The following JARID2 variants were observed in gnomAD, a reference collection of about 807,000 sequenced individuals.
JARID2 encodes the protein protein Jumonji.
JARID2 carries 21 observed loss-of-function variants against 125.6 expected under a neutral mutation model. That is an observed-to-expected ratio of 0.17 (90% CI 0.12 to 0.24). The LOEUF (loss-of-function observed/expected upper bound fraction) is 0.24, where lower values mean the gene tolerates loss of function less well. Among genes scored for constraint, JARID2 ranks in the 10% least tolerant of loss-of-function variants. The pLI, the probability that JARID2 is intolerant of heterozygous loss-of-function variation, is 1.00. For missense variants in JARID2, 1,303 were observed against 1,639.6 expected (o/e 0.79, Z 3.55); for synonymous variants, 736 against 661.6 (o/e 1.11, Z -1.73).
chr6:15,390,470 T>G lies in JARID2; in HGVS notation c.181+16218T>G, dbSNP rs561280072. 8.3e-4 allele frequency among the ~76,000 whole-genome samples: 127 copies of G among 152,310 alleles called. 1 individual carries two copies. The highest frequency in any genetic ancestry group is 3.4e-3 in the Middle Eastern group (1 of 294). On this transcript the variant is annotated intron_variant, in intron 2 of 17. Coordinates refer to ENST00000341776, the MANE Select transcript of JARID2 (RefSeq NM_004973.4). ...TCTAGCCTTCTGGGGTCTCCCTTTA[T>G]GGACGAATTCCAAGGGAATAGGTTA...
chr6:15,266,532 C>G (rs180815181), intron 1 of JARID2, among the ~76,000 whole-genome samples: 1 of 152,320 alleles, frequency 6.6e-6, no homozygotes, highest in East Asian at 1.9e-4. Context: ...GTCAGCCTAG[C>G]AGCGCTTGGT....
At chr6:15,399,086 T>TA (rs927828775) in intron 2 of JARID2, among the ~76,000 whole-genome samples, 2 of 152,194 alleles carry the variant, frequency 1.3e-5, no homozygotes, top group African/African-American at 2.4e-5. Flanking sequence ...CTGTATGACT[T>TA]ACGCTGTAGT....
chr6:15,452,953 G>A (rs1460227934), intron 4 of JARID2, among the ~76,000 whole-genome samples: 1 of 152,142 alleles, frequency 6.6e-6, no homozygotes, highest in African/African-American at 2.4e-5. Context: ...TTTGCTATTG[G>A]ACATCTGTGG....
intron 2 of JARID2, among the ~76,000 whole-genome samples, chr6:15,401,663 G>T (rs990035437): frequency 6.6e-6 from 1 of 152,046 alleles, no homozygotes. Flanking sequence ...TAAACTTCGA[G>T]TGCTCTTGAT....
chr6:15,367,154 T>C (rs1764010809), intron 1 of JARID2, among the ~76,000 whole-genome samples: 1 of 152,146 alleles, frequency 6.6e-6, no homozygotes, highest in Non-Finnish European at 1.5e-5. Context: ...GAAGCATGAG[T>C]GTCTAAGGTA....
At chr6:15,249,632 C>T (rs1271628773) in intron 1 of JARID2, among the ~76,000 whole-genome samples, 1 of 152,166 alleles carries the variant, frequency 6.6e-6, no homozygotes, top group Non-Finnish European at 1.5e-5. Context: ...GGCATTATTA[C>T]TTGAGCTGGT....
intron 4 of JARID2, among the ~76,000 whole-genome samples, chr6:15,466,619 T>C (rs1768753159): frequency 6.6e-6 from 1 of 152,230 alleles, no homozygotes; most frequent in Non-Finnish European, 1.5e-5. Context: ...AAGGTAGATT[T>C]AGGGAAGAGG....
At chr6:15,414,129 G>A (rs982613451) in intron 3 of JARID2, among the ~76,000 whole-genome samples, 2 of 152,106 alleles carry the variant, frequency 1.3e-5, no homozygotes, top group African/African-American at 2.4e-5. Flanking sequence ...AGGGTGATGG[G>A]GAAAGGGGAA....
chr6:15,276,762 C>G (rs1760537640), intron 1 of JARID2, among the ~76,000 whole-genome samples: 1 of 152,180 alleles, frequency 6.6e-6, no homozygotes, highest in South Asian at 2.1e-4. Flanking sequence ...TGGCCTGGTC[C>G]TTGGAGGAGA....
intron 1 of JARID2, among the ~76,000 whole-genome samples, chr6:15,321,868 C>T (rs757016751): frequency 6.8e-5 from 9 of 132,034 alleles, no homozygotes; most frequent in Non-Finnish European, 1.4e-4. Context: ...TCTCGGCTCA[C>T]TGCAAACTTC....
rs141877359 is a variant in JARID2 at position 15,416,881 on chromosome 6, C to T, written c.323+6516C>T. Among the ~76,000 whole-genome samples, 187 of 152,176 alleles carry T rather than the reference C, an allele frequency of 1.2e-3. 1 individual carries two copies. Among genetic ancestry groups the T allele is most frequent in the African/African-American group, 3.9e-3 (163 of 41,494 alleles). ...TTCTTCTTGTAAAGTGTGTATTTGC[C>T]CCATCAGTCTCTCAGTATGTGTAGA... On this transcript the variant is annotated intron_variant, in intron 3 of 17. Coordinates refer to ENST00000341776, the MANE Select transcript of JARID2 (RefSeq NM_004973.4).
intron 1 of JARID2, among the ~76,000 whole-genome samples, chr6:15,315,841 G>T (rs945456619): frequency 2.0e-5 from 3 of 152,146 alleles, no homozygotes; most frequent in African/African-American, 7.2e-5. Flanking sequence ...CCGTCCATAC[G>T]TTGAGTACGT....
At chr6:15,293,385 A>G (rs1581379204) in intron 1 of JARID2, among the ~76,000 whole-genome samples, 1 of 152,242 alleles carries the variant, frequency 6.6e-6, no homozygotes, top group East Asian at 1.9e-4. Context: ...ACTGCCCTCC[A>G]GCCTGGGTGA....
At chr6:15,495,517 ACACCTCTGG>A (rs1330387682) in intron 6 of JARID2, among the ~76,000 whole-genome samples, 1 of 152,208 alleles carries the variant, frequency 6.6e-6, no homozygotes, top group African/African-American at 2.4e-5. Context: ...GTTTGCAGCC[ACACCTCTGG>A]GCCTGGCCTG....
chr6:15,306,881 T>A (rs1265429106), intron 1 of JARID2, among the ~76,000 whole-genome samples: 2 of 148,256 alleles, frequency 1.3e-5, no homozygotes, highest in Non-Finnish European at 3.0e-5. Flanking sequence ...ATATATATAT[T>A]TTATATTAAT....
chr6:15,287,698 T>G (rs1410223967), intron 1 of JARID2, among the ~76,000 whole-genome samples: 1 of 152,210 alleles, frequency 6.6e-6, no homozygotes, highest in Non-Finnish European at 1.5e-5. Flanking sequence ...TCTGGAGCTA[T>G]CCCACTGTTG....
At chr6:15,426,533 G>T (rs941303249) in intron 3 of JARID2, among the ~76,000 whole-genome samples, 13 of 152,190 alleles carry the variant, frequency 8.5e-5, no homozygotes, top group African/African-American at 3.1e-4. Context: ...TATGTAGGAG[G>T]TTACTATGCT....
At chr6:15,411,034 C>T (rs1765853561) in intron 3 of JARID2, among the ~76,000 whole-genome samples, 1 of 152,186 alleles carries the variant, frequency 6.6e-6, no homozygotes, top group Non-Finnish European at 1.5e-5. Flanking sequence ...AAACCCTTTG[C>T]CTAGTATCTA....
At position 15,496,347 on chromosome 6, in the gene JARID2, A is replaced by G. The variant is rs768190530; in HGVS notation, c.1122A>G (p.Thr374=). 27 of 1,614,198 alleles carry G rather than the reference A, an allele frequency of 1.7e-5. No individual in the cohort carries two copies. Among genetic ancestry groups the G allele is most frequent in the East Asian group, 2.2e-5 (1 of 44,880 alleles). ...AGCCCAGTTCCGCTGTCAACCACAC[A>G]ATCTCAGGGAAAACTGAAAGTAGCA... ...HHKPSSAVNH[T]ISGKTESSNA... The change falls in exon 7 of 18, where the codon ACA becomes ACG. Residue 374 remains threonine (T), a synonymous_variant. Coordinates refer to ENST00000341776, the MANE Select transcript of JARID2 (RefSeq NM_004973.4).
Sources: gnomAD v4.1 joint callset for allele counts (sites outside exome capture counted in the v4.1 genomes callset) on GRCh38, gnomAD v4.1.1 for gene constraint, MANE v1.5 for transcripts, NCBI Gene and HGNC (gene_info 2026-07-23, HGNC 2026-07-21) for gene names.